Variants in CSMD1 observed in about 807,000 individuals in gnomAD.
CSMD1 encodes the protein CUB and Sushi multiple domains 1, also known as CUB and sushi domain-containing protein 1.
In CSMD1, 213 loss-of-function variants were observed where a neutral mutation model predicts 417.5. The observed-to-expected ratio is 0.51, with a 90% CI of 0.46 to 0.57. The LOEUF is 0.57. CSMD1 is among the 20% of genes least tolerant of loss of function. CSMD1 has a pLI of 0.00. For missense variants in CSMD1, 6,923 were observed against 4,529.7 expected, an observed-to-expected ratio of 1.53 and a Z score of -15.17; for synonymous variants, 2,862 against 1,736.8, an observed-to-expected ratio of 1.65 and a Z score of -16.11.
At chr8:3,917,815 G>A (rs73499878) in intron 5 of CSMD1, among the ~76,000 whole-genome samples, 1 of 152,068 alleles carries the variant, frequency 6.6e-6, no homozygotes, top group African/African-American at 2.4e-5. Flanking sequence ...AGCAATATTA[G>A]TTGTGTGTAT....
At chr8:4,606,579 A>G (rs1800881676) in intron 2 of CSMD1, among the ~76,000 whole-genome samples, 1 of 152,328 alleles carries the variant, frequency 6.6e-6, no homozygotes, top group South Asian at 2.1e-4. Context: ...TCTCTCAAGG[A>G]CCAGGTAATG....
At chr8:4,838,133 AG>A (rs760499158) in intron 1 of CSMD1, among the ~76,000 whole-genome samples, 36 of 152,254 alleles carry the variant, frequency 2.4e-4, no homozygotes, top group Non-Finnish European at 5.0e-4. Context: ...TTTTTTTTAA[AG>A]CAAGGGGGAA....
chr8:4,124,857 A>T (rs1802673745), intron 3 of CSMD1, among the ~76,000 whole-genome samples: 1 of 152,104 alleles, frequency 6.6e-6, no homozygotes, highest in Admixed American at 6.6e-5. Flanking sequence ...AAAATAAACT[A>T]ACTCTATAGG....
intron 5 of CSMD1, among the ~76,000 whole-genome samples, chr8:3,863,932 T>G (rs1563156259): frequency 2.0e-5 from 3 of 152,292 alleles, no homozygotes; most frequent in Non-Finnish European, 4.4e-5. Flanking sequence ...TATGGAAAAA[T>G]GACCTCCAGA....
At chr8:4,502,494 G>A (rs547863265) in intron 2 of CSMD1, among the ~76,000 whole-genome samples, 5 of 152,110 alleles carry the variant, frequency 3.3e-5, no homozygotes, top group Admixed American at 2.6e-4. Flanking sequence ...CAAATTCTGA[G>A]GGCCATGACC....
chr8:4,278,746 T>C (rs559585646), intron 3 of CSMD1, among the ~76,000 whole-genome samples: 2 of 152,330 alleles, frequency 1.3e-5, no homozygotes, highest in South Asian at 2.1e-4. Context: ...CTGTTTGACT[T>C]GGTATAAGAT....
At chr8:3,314,689 A>C (rs777704151) in intron 23 of CSMD1, among the ~76,000 whole-genome samples, 5 of 152,258 alleles carry the variant, frequency 3.3e-5, no homozygotes, top group Non-Finnish European at 5.9e-5. Flanking sequence ...GATGAAAATT[A>C]CTTCTCCATA....
intron 1 of CSMD1, among the ~76,000 whole-genome samples, chr8:4,892,071 G>C (rs900277389): frequency 2.6e-5 from 4 of 152,108 alleles, no homozygotes; most frequent in African/African-American, 9.7e-5. Flanking sequence ...AGAAGGTGCG[G>C]GAGGTAGGAA....
chr8:3,653,598 C>T (rs1330808278), intron 7 of CSMD1, among the ~76,000 whole-genome samples: 7 of 152,130 alleles, frequency 4.6e-5, no homozygotes, highest in Non-Finnish European at 1.0e-4. Flanking sequence ...TGTGAGCCAC[C>T]CTGCCTGGCC....
At chr8:4,245,300 T>C (rs1225262487) in intron 3 of CSMD1, among the ~76,000 whole-genome samples, 1 of 152,122 alleles carries the variant, frequency 6.6e-6, no homozygotes, top group East Asian at 1.9e-4. Context: ...CAACAAACAC[T>C]GCATAAAAGT....
chr8:4,508,933 C>G (rs1342417957), intron 2 of CSMD1, among the ~76,000 whole-genome samples: 1 of 152,030 alleles, frequency 6.6e-6, no homozygotes, highest in Admixed American at 6.6e-5. Context: ...ATAAATCCCA[C>G]AGGACAGGTC....
At chr8:4,399,203 CTA>C (rs66491010) in intron 3 of CSMD1, among the ~76,000 whole-genome samples, 1,588 of 152,246 alleles carry the variant, frequency 0.01, 8 homozygotes, top group Admixed American at 0.013. Flanking sequence ...CTGGAATTTA[CTA>C]TGTGTTTAAA....
intron 2 of CSMD1, among the ~76,000 whole-genome samples, chr8:4,449,132 C>G (rs1247668646): frequency 6.6e-6 from 1 of 152,178 alleles, no homozygotes; most frequent in Non-Finnish European, 1.5e-5. Flanking sequence ...CTAATGAAGT[C>G]TAACCAGACT....
intron 2 of CSMD1, among the ~76,000 whole-genome samples, chr8:4,621,061 C>A (rs907515264): frequency 4.0e-5 from 6 of 151,886 alleles, no homozygotes; most frequent in African/African-American, 1.5e-4. Flanking sequence ...TTCGTCAGAC[C>A]TGAAGTGGAC....
At chr8:4,344,325 A>C (rs371511828) in intron 3 of CSMD1, among the ~76,000 whole-genome samples, 1 of 152,036 alleles carries the variant, frequency 6.6e-6, no homozygotes, top group African/African-American at 2.4e-5. Context: ...GTGGCCTTCA[A>C]ATCAGCTTTA....
chr8:3,781,120 C>T (rs1357753317), intron 5 of CSMD1, among the ~76,000 whole-genome samples: 1 of 152,040 alleles, frequency 6.6e-6, no homozygotes, highest in African/African-American at 2.4e-5. Flanking sequence ...CCAAAAACAC[C>T]TTCAGCTTTG....
chr8:4,193,818 A>C (rs959581526), intron 3 of CSMD1, among the ~76,000 whole-genome samples: 3 of 152,064 alleles, frequency 2.0e-5, no homozygotes, highest in Non-Finnish European at 4.4e-5. Context: ...GAAGAGCAGG[A>C]AAACAGAATA....
At chr8:4,337,806 T>C (rs1453125920) in intron 3 of CSMD1, among the ~76,000 whole-genome samples, 2 of 152,152 alleles carry the variant, frequency 1.3e-5, no homozygotes, top group African/African-American at 4.8e-5. Flanking sequence ...AAATTTTTAA[T>C]CAGTAGAATA....
At chr8:4,898,728 C>A (rs902699433) in intron 1 of CSMD1, among the ~76,000 whole-genome samples, 1 of 152,048 alleles carries the variant, frequency 6.6e-6, no homozygotes, top group Admixed American at 6.6e-5. Flanking sequence ...TCCTTGAAAA[C>A]CTCTCTGACT....
Sources: gnomAD v4.1 joint callset for allele counts (sites outside exome capture counted in the v4.1 genomes callset) on GRCh38, gnomAD v4.1.1 for gene constraint, MANE v1.5 for transcripts, NCBI Gene and HGNC (gene_info 2026-07-23, HGNC 2026-07-21) for gene names.